Variants in MYO19 observed in about 807,000 individuals in gnomAD.
MYO19 encodes the protein myosin XIX.
Under a neutral mutation model 129.2 loss-of-function variants are expected in MYO19, and 132 were observed. The observed-to-expected ratio is 1.02, with a 90% CI of 0.89 to 1.18. MYO19 has a LOEUF of 1.18. Ranked by LOEUF, MYO19 falls within the 50% of genes most tolerant of loss-of-function variation. The pLI, the probability that MYO19 is intolerant of heterozygous loss-of-function variation, is 0.00. For missense variants in MYO19, 1,210 were observed against 1,216.7 expected, an observed-to-expected ratio of 0.99 and a Z score of 0.08; for synonymous variants, 531 against 477.2, an observed-to-expected ratio of 1.11 and a Z score of -1.47.
At chr17:36,537,190 C>T (rs1472855234), upstream of MYO19, 1 of 1,614,150 alleles carries the variant, frequency 6.2e-7, no homozygotes, top group Admixed American at 1.7e-5. Flanking sequence ...TGCTTTCCTG[C>T]ATTCTGTATC....
chr17:36,505,636 C>A (rs2071833258), intron 18 of MYO19, among the ~76,000 whole-genome samples: 1 of 152,194 alleles, frequency 6.6e-6, no homozygotes, highest in Admixed American at 6.5e-5. Flanking sequence ...CCCTTCTAAA[C>A]CTGTGATCCT....
At chr17:36,526,589 C>T (rs917465130) in intron 5 of MYO19, among the ~76,000 whole-genome samples, 4 of 152,150 alleles carry the variant, frequency 2.6e-5, no homozygotes, top group Non-Finnish European at 5.9e-5. Flanking sequence ...TTCATTCTTT[C>T]CTAAAAAGGT....
intron 23 of MYO19, chr17:36,500,359 T>TA (rs1423445541): frequency 7.6e-5 from 12 of 157,218 alleles, no homozygotes; most frequent in Non-Finnish European, 1.5e-4. Flanking sequence ...TCACCACTGT[T>TA]AGATATTTGG....
intron 3 of MYO19, among the ~76,000 whole-genome samples, chr17:36,528,698 AGTTT>A (rs1483681954): frequency 1.3e-5 from 2 of 152,164 alleles, no homozygotes; most frequent in Non-Finnish European, 2.9e-5. Context: ...TTTGAGTCAC[AGTTT>A]GTTTATTCGT....
rs149275534 is a variant in MYO19 at position 36,521,579 on chromosome 17, A to T, written c.414+3649T>A. ...CAAAAATACTTTCCTGAACAAAAGG[A>T]CATGAGTTTCCAAGTTAAAAAGACC... On this transcript the variant is annotated intron_variant, in intron 6 of 25. Transcript: ENST00000614623. 4.3e-4 allele frequency among the ~76,000 whole-genome samples: 66 copies of T among 152,342 alleles called. No individual in the cohort carries two copies. The East Asian group carries it at 0.012, about 28-fold the overall frequency.
intron 19 of MYO19, 91 bp from the exon 20 acceptor site, chr17:36,504,111 G>A: frequency 9.4e-7 from 1 of 1,062,374 alleles, no homozygotes; most frequent in Non-Finnish European, 1.3e-6. Flanking sequence ...TTAGACCCTG[G>A]CCAGTGCCAA....
At chr17:36,503,385 A>G (rs1488603089) in intron 20 of MYO19, among the ~76,000 whole-genome samples, 185 bp from the exon 21 acceptor site, 8 of 152,170 alleles carry the variant, frequency 5.3e-5, no homozygotes, top group Admixed American at 6.5e-5. Flanking sequence ...CTTAGTTGGA[A>G]ACCCATAAAG....
intron 13 of MYO19, among the ~76,000 whole-genome samples, chr17:36,510,314 C>T (rs763006576): frequency 2.6e-5 from 4 of 152,218 alleles, no homozygotes; most frequent in Admixed American, 6.5e-5. Context: ...CTGGCTTTAC[C>T]ACAATCTATC....
In MYO19 at chr17:36,498,334, G is replaced by A. The variant is rs778312949; in HGVS notation, c.2689C>T (p.Pro897Ser). 10 of 1,613,994 alleles carry A rather than the reference G, an allele frequency of 6.2e-6. No individual in the cohort carries two copies. The Admixed American group carries it at 1.2e-4, about 19-fold the overall frequency. Residue 897 changes from proline to serine, a missense_variant, in exon 25 of 26, where the codon CCC becomes TCC. Physicochemically the swap from Pro to Ser is moderately conservative, Grantham distance 74. Coordinates refer to ENST00000614623, the MANE Select transcript of MYO19 (RefSeq NM_001163735.2). Reference protein sequence around the residue: ...WACLQLPRGSPSSYTVQTAQD... With the variant: ...WACLQLPRGSSSSYTVQTAQD... ...GCTGTCTGGACAGTGTAGCTACTGG[G>A]GCTGCCCCTGGGGAGCTGGAGGCAA...
intron 13 of MYO19, 113 bp downstream of exon 13, chr17:36,510,633 C>T: frequency 2.4e-6 from 3 of 1,226,972 alleles, no homozygotes; most frequent in Non-Finnish European, 3.4e-6. Flanking sequence ...ACCAGTCTGT[C>T]TTATCTCCCA....
chr17:36,523,832 G>A (rs1005692640), intron 6 of MYO19, among the ~76,000 whole-genome samples: 2 of 152,098 alleles, frequency 1.3e-5, no homozygotes, highest in Non-Finnish European at 2.9e-5. Flanking sequence ...TTAAAAATAC[G>A]GATGTAAACA....
chr17:36,500,381 C>A (rs978905770), intron 23 of MYO19: 1 of 159,652 alleles, frequency 6.3e-6, no homozygotes, highest in African/African-American at 2.4e-5. Context: ...TTCTTTCCAA[C>A]ACTTTTCCTT....
intron 3 of MYO19, 135 bp downstream of exon 3, chr17:36,532,392 G>A: frequency 9.4e-7 from 1 of 1,061,076 alleles, no homozygotes; most frequent in Middle Eastern, 2.0e-4. Flanking sequence ...TTGATGATGA[G>A]TAAAAGGCAC....
intron 7 of MYO19, 112 bp from the exon 8 acceptor site, chr17:36,515,294 G>C: frequency 1.1e-6 from 1 of 900,626 alleles, no homozygotes; most frequent in South Asian, 1.8e-5. Context: ...TCACCTAAAG[G>C]CCCCTTTGTT....
chr17:36,516,024 T>A, intron 6 of MYO19, 34 bp from the exon 7 acceptor site: 1 of 1,585,356 alleles, frequency 6.3e-7, no homozygotes, highest in East Asian at 2.3e-5. Flanking sequence ...GAGCTGTATC[T>A]ATGCTCCCGC....
At position 36,527,557 on chromosome 17, in the gene MYO19, C is replaced by G; in HGVS notation, c.294G>C (p.Gln98His). The change falls in exon 5 of 26, where the codon CAG becomes CAC. Residue 98 changes from glutamine to histidine, a missense_variant. Physicochemically the swap from Gln to His is conservative, Grantham distance 24. Transcript: ENST00000614623. The part of the protein sequence containing the change: ...ELMREYHAAP[Q>H]PQKLKPHVFT... ...GGCAGCGGCAGAGCCTTACCTGGGG[C>G]TGAGGCGCAGCATGGTACTCTCTCA... is the stretch of plus-strand genomic sequence containing the variant. 6.2e-7 allele frequency: 1 copy of G among 1,613,358 alleles called. No individual in the cohort carries two copies. The highest frequency in any genetic ancestry group is 8.5e-7 in the Non-Finnish European group (1 of 1,179,592).
chr17:36,520,006 C>A (rs1043492082), intron 6 of MYO19, among the ~76,000 whole-genome samples: 25 of 151,250 alleles, frequency 1.7e-4, no homozygotes, highest in African/African-American at 6.1e-4. Flanking sequence ...TACTTTTTTT[C>A]CTTTTTTTTG....
At chr17:36,541,765 G>A (rs1469674166) in intron 2 of MYO19, among the ~76,000 whole-genome samples, 1 of 152,120 alleles carries the variant, frequency 6.6e-6, no homozygotes, top group African/African-American at 2.4e-5. Flanking sequence ...TCAATTAGAG[G>A]TTTGCTCTCT....
chr17:36,532,480 T>C, intron 3 of MYO19, 47 bp downstream of exon 3: 1 of 1,551,790 alleles, frequency 6.4e-7, no homozygotes, highest in African/African-American at 1.4e-5. Context: ...TAGCAACAGA[T>C]GCTGCAGGTG....
Sources: allele counts gnomAD v4.1 joint callset (sites outside exome capture counted in the v4.1 genomes callset), GRCh38; gene constraint gnomAD v4.1.1; transcripts MANE v1.5; gene names NCBI Gene and HGNC (gene_info 2026-07-23, HGNC 2026-07-21).